NEK1: variants seen among roughly 807,000 people sequenced by gnomAD.
The protein encoded by NEK1 is serine/threonine-protein kinase Nek1.
In NEK1, 137 loss-of-function variants were observed where a neutral mutation model predicts 182.1. The ratio of observed to expected loss-of-function variants is 0.75; its 90% CI spans 0.65 to 0.87. NEK1 has a LOEUF of 0.87. Among genes scored for constraint, NEK1 ranks in the 40% least tolerant of loss-of-function variants. The pLI, the probability that NEK1 is intolerant of heterozygous loss-of-function variation, is 0.00. For missense variants in NEK1, 1,391 were observed against 1,494.4 expected, an observed-to-expected ratio of 0.93 and a Z score of 1.14; for synonymous variants, 513 against 492.2, an observed-to-expected ratio of 1.04 and a Z score of -0.56.
chr4:169,530,077 C>T (rs980156255), intron 19 of NEK1, among the ~76,000 whole-genome samples: 1 of 152,188 alleles, frequency 6.6e-6, no homozygotes, highest in African/African-American at 2.4e-5. Context: ...ATCAAAACAG[C>T]TCTATTCATA....
At chr4:169,420,043 T>C (rs936917608) in intron 31 of NEK1, among the ~76,000 whole-genome samples, 1 of 152,188 alleles carries the variant, frequency 6.6e-6, no homozygotes, top group East Asian at 1.9e-4. Context: ...ATTGTATACA[T>C]AGACTACACT....
intron 31 of NEK1, among the ~76,000 whole-genome samples, chr4:169,410,335 T>C (rs1034609005): frequency 1.3e-5 from 2 of 152,204 alleles, no homozygotes; most frequent in African/African-American, 4.8e-5. Flanking sequence ...CTATTTTTTT[T>C]CAAAGATGTA....
In NEK1 at chr4:169,597,705, C is replaced by T. The variant is rs183910646; in HGVS notation, c.312+1395G>A. Among the ~76,000 whole-genome samples the T allele has an allele frequency of 6.9e-3, 1,048 of 152,052 alleles. 8 individuals carry two copies. Among genetic ancestry groups the T allele is most frequent in the Middle Eastern group, 0.02 (6 of 294 alleles). On this transcript the variant is annotated intron_variant, in intron 5 of 35. Transcript: ENST00000507142. ...ATCCCAGCACTTTGGGAGACTGAGGCGGGCAGATCATGAGGTCAGGAGATG... is the reference window on the plus strand; with the variant it reads ...ATCCCAGCACTTTGGGAGACTGAGGTGGGCAGATCATGAGGTCAGGAGATG...
At chr4:169,608,570 TGAC>T (rs1771778640) in intron 2 of NEK1, among the ~76,000 whole-genome samples, 1 of 152,176 alleles carries the variant, frequency 6.6e-6, no homozygotes, top group African/African-American at 2.4e-5. Context: ...GGGATTAATA[TGAC>T]TAGACCAATA....
chr4:169,579,779 C>T (rs144468345), intron 11 of NEK1, among the ~76,000 whole-genome samples: 1,592 of 149,494 alleles, frequency 0.011, 28 homozygotes, highest in African/African-American at 0.037. Flanking sequence ...CAGAGCAAGA[C>T]TCCATCTCAA....
intron 18 of NEK1, among the ~76,000 whole-genome samples, chr4:169,538,630 A>G (rs1203794916): frequency 2.0e-5 from 3 of 152,174 alleles, no homozygotes; most frequent in African/African-American, 4.8e-5. Context: ...AAATATAAAT[A>G]AAACCCAGCC....
chr4:169,562,104 A>G, intron 13 of NEK1, 33 bp downstream of exon 13: 1 of 1,436,806 alleles, frequency 7.0e-7, no homozygotes, highest in Non-Finnish European at 9.5e-7. Flanking sequence ...ATGTTTGCAA[A>G]GCTTTAAAAT....
intron 23 of NEK1, among the ~76,000 whole-genome samples, chr4:169,499,253 A>G (rs1454133254): frequency 8.6e-5 from 13 of 152,008 alleles, no homozygotes; most frequent in Non-Finnish European, 4.4e-5. Context: ...CAGCTCCATC[A>G]GGTTCTTTAA....
chr4:169,426,303 AT>A, intron 29 of NEK1, 69 bp from the exon 30 acceptor site: 1 of 1,257,098 alleles, frequency 8.0e-7, no homozygotes, highest in Non-Finnish European at 1.1e-6. Flanking sequence ...GTGCTCTAAA[AT>A]ACAGGAAATG....
At chr4:169,542,298 T>A (rs192479212) in intron 18 of NEK1, among the ~76,000 whole-genome samples, 1 of 151,908 alleles carries the variant, frequency 6.6e-6, no homozygotes, top group African/African-American at 2.4e-5. Context: ...TTGCTGAGAA[T>A]GATGGTTACC....
At chr4:169,556,885 T>C (rs1466658114) in intron 16 of NEK1, among the ~76,000 whole-genome samples, 4 of 151,996 alleles carry the variant, frequency 2.6e-5, no homozygotes, top group Non-Finnish European at 5.9e-5. Flanking sequence ...TGTATGTATA[T>C]ATTTAGGTAT....
chr4:169,504,690 A>G (rs1459885599), intron 23 of NEK1, among the ~76,000 whole-genome samples: 2 of 152,230 alleles, frequency 1.3e-5, no homozygotes, highest in African/African-American at 4.8e-5. Flanking sequence ...AATTAAAACA[A>G]TTGAATTCAT....
chr4:169,546,670 A>C (rs943865494), intron 18 of NEK1, among the ~76,000 whole-genome samples: 1 of 152,202 alleles, frequency 6.6e-6, no homozygotes, highest in South Asian at 2.1e-4. Flanking sequence ...TGTATTGGGT[A>C]CGTATATATT....
intron 27 of NEK1, among the ~76,000 whole-genome samples, chr4:169,444,500 G>C (rs1048858589): frequency 1.3e-5 from 2 of 149,128 alleles, no homozygotes; most frequent in African/African-American, 5.2e-5. Flanking sequence ...TAACCCAAAA[G>C]CTGTAAAAAA....
intron 31 of NEK1, among the ~76,000 whole-genome samples, chr4:169,410,302 T>A (rs1234405007): frequency 6.6e-6 from 1 of 152,172 alleles, no homozygotes; most frequent in African/African-American, 2.4e-5. Context: ...AATGTTTCCT[T>A]CAGTTTTTAT....
At chr4:169,502,395 C>G (rs889773326) in intron 23 of NEK1, among the ~76,000 whole-genome samples, 2 of 151,952 alleles carry the variant, frequency 1.3e-5, no homozygotes, top group Non-Finnish European at 2.9e-5. Context: ...AGACCAGTTT[C>G]ATCATGATAT....
intron 23 of NEK1, among the ~76,000 whole-genome samples, chr4:169,495,436 G>T (rs1427412038): frequency 2.0e-5 from 3 of 151,918 alleles, no homozygotes; most frequent in Admixed American, 6.6e-5. Flanking sequence ...TAGAGACGGG[G>T]TTTCACCGTG....
Position 169,463,274 on chromosome 4 carries a change from T to G in NEK1, c.2556A>C (p.Thr852=). The change falls in exon 27 of 36, where the codon ACA becomes ACC. Residue 852 remains threonine (T), a synonymous_variant. Coordinates refer to ENST00000507142, the MANE Select transcript of NEK1 (RefSeq NM_001199397.3). ...ILGEAELQLQ[T]ELLENTTIRS... ...TAATAGTTGTATTTTCTAATAGTTCTGTCTGAAGTTGTAGTTCAGCTTCTC... is the reference window on the plus strand; with the variant it reads ...TAATAGTTGTATTTTCTAATAGTTCGGTCTGAAGTTGTAGTTCAGCTTCTC... 2 of 1,586,594 alleles carry G rather than the reference T, an allele frequency of 1.3e-6. No individual in the cohort carries two copies. The highest frequency in any genetic ancestry group is 1.7e-6 in the Non-Finnish European group (2 of 1,166,562).
chr4:169,497,890 G>A (rs1435079292), intron 23 of NEK1, among the ~76,000 whole-genome samples: 1 of 152,194 alleles, frequency 6.6e-6, no homozygotes, highest in Non-Finnish European at 1.5e-5. Flanking sequence ...TGTTGATTTG[G>A]GGTGGAGAGT....
Sources: allele counts gnomAD v4.1 joint callset (sites outside exome capture counted in the v4.1 genomes callset), GRCh38; gene constraint gnomAD v4.1.1; transcripts MANE v1.5; gene names NCBI Gene and HGNC (gene_info 2026-07-23, HGNC 2026-07-21).